The following WWC2 variants were observed in gnomAD, a reference collection of about 807,000 sequenced individuals.
WWC2 encodes the protein WW and C2 domain containing 2.
A neutral mutation model predicts 138.5 loss-of-function variants in WWC2; 101 were observed. The observed-to-expected ratio is 0.73, with a 90% confidence interval of 0.62 to 0.86. The LOEUF is 0.86. Among genes scored for constraint, WWC2 ranks in the 40% least tolerant of loss-of-function variants. The probability of loss-of-function intolerance (pLI) is 0.00; values close to 1 mark genes in which losing one functional copy is unlikely to be tolerated. For synonymous variants in WWC2, 558 were observed against 538.4 expected (o/e 1.04, Z -0.50); for missense variants, 1,420 against 1,419.4 (o/e 1.00, Z -0.01).
chr4:183,154,497 G>A (rs1244008567), intron 1 of WWC2, among the ~76,000 whole-genome samples: 6 of 152,126 alleles, frequency 3.9e-5, no homozygotes, highest in Non-Finnish European at 5.9e-5. Flanking sequence ...GAAAAGGTCA[G>A]GCACAACCTT....
intron 1 of WWC2, among the ~76,000 whole-genome samples, chr4:183,110,215 A>G (rs1247850848): frequency 6.6e-6 from 1 of 152,234 alleles, no homozygotes; most frequent in East Asian, 1.9e-4. Flanking sequence ...AAAACAGGCA[A>G]AATGAATTTT....
At position 183,282,713 on chromosome 4, in the gene WWC2, C is replaced by A. The variant is rs1264595495; in HGVS notation, c.2690C>A (p.Thr897Lys). 1.9e-6 allele frequency: 3 copies of A among 1,566,912 alleles called. No individual in the cohort carries two copies. Among genetic ancestry groups the A allele is most frequent in the Middle Eastern group, 1.7e-4 (1 of 6,008 alleles). ...EPRGPDGDWL[T>K]MLREASDEIV... ...TTGTTTTTGTTTTACCATAGGCTAACAATGCTAAGAGAGGCCTCTGATGAA... is the reference window on the plus strand; with the variant it reads ...TTGTTTTTGTTTTACCATAGGCTAAAAATGCTAAGAGAGGCCTCTGATGAA... Residue 897 changes from threonine (T) to lysine (K), a missense_variant, in exon 18 of 23, where the codon ACA becomes AAA. Thr to Lys is a moderately conservative substitution (Grantham distance 78). Coordinates refer to ENST00000403733, the MANE Select transcript of WWC2 (RefSeq NM_024949.6).
chr4:183,202,997 C>T (rs1338197396), intron 2 of WWC2, among the ~76,000 whole-genome samples: 1 of 152,018 alleles, frequency 6.6e-6, no homozygotes, highest in East Asian at 1.9e-4. Flanking sequence ...GAAATTGAAC[C>T]CTGGAAAGGT....
At chr4:183,116,065 A>G (rs1469591557) in intron 1 of WWC2, among the ~76,000 whole-genome samples, 1 of 152,180 alleles carries the variant, frequency 6.6e-6, no homozygotes, top group Admixed American at 6.5e-5. Flanking sequence ...ATGACTGGCC[A>G]GTTATCCCAG....
At chr4:183,226,087 TTTCTTTTC>T (rs1429907434) in intron 4 of WWC2, among the ~76,000 whole-genome samples, 11 of 134,354 alleles carry the variant, frequency 8.2e-5, no homozygotes, top group African/African-American at 3.5e-4. Context: ...TTTCTTTTCT[TTTCTTTTC>T]TTTTTTTTTT....
At chr4:183,113,525 T>TGCGC (rs1561420332) in intron 1 of WWC2, among the ~76,000 whole-genome samples, 1 of 135,382 alleles carries the variant, frequency 7.4e-6, no homozygotes, top group Non-Finnish European at 1.6e-5. Flanking sequence ...TGCGCGCGCG[T>TGCGC]GCGCGCGCAC....
chr4:183,158,564 A>G (rs1341737305), intron 1 of WWC2, among the ~76,000 whole-genome samples: 1 of 151,816 alleles, frequency 6.6e-6, no homozygotes, highest in African/African-American at 2.4e-5. Flanking sequence ...TTTGACCTTA[A>G]TTATGTCTTT....
rs1176380041 is a variant in WWC2 at position 183,099,718 on chromosome 4, C to T, written c.131+96C>T. The T allele has an allele frequency of 2.7e-6, 3 of 1,125,484 alleles. No homozygotes were observed. In the African/African-American group the frequency reaches 5.0e-5, roughly 19 times the overall value. 69.7% of individuals were successfully genotyped at this position (1,125,484 alleles called of 1,614,324 possible). The stretch of plus-strand genomic sequence containing the variant: ...GGGGGGCTGGGGCGGCGCCGGCCCG[C>T]GGTGCCCCGAGGGGTCCCGGGAGGG... On this transcript the variant is annotated intron_variant, in intron 1 of 22. Coordinates refer to ENST00000403733, the MANE Select transcript of WWC2 (RefSeq NM_024949.6).
rs759859249 is a variant in WWC2, at chr4:183,240,191, G to A, written c.531G>A (p.Lys177=). The part of the protein sequence containing the change: ...EISTTRLRVK[K]LKRELSQMKQ... ...TTGATTTCTCTTTAAAGGTTAAAAA[G>A]CTAAAGAGAGAGCTCTCACAGATGA... is the stretch of plus-strand genomic sequence containing the variant. Residue 177 remains lysine (K), a synonymous_variant, in exon 5 of 23, where the codon AAG becomes AAA. Coordinates refer to ENST00000403733, the MANE Select transcript of WWC2 (RefSeq NM_024949.6). 1 of 1,548,708 alleles carries A rather than the reference G, an allele frequency of 6.5e-7. No homozygotes were observed. The highest frequency in any genetic ancestry group is 1.2e-5 in the South Asian group (1 of 82,696).
Position 183,119,536 on chromosome 4 carries a change from A to C in WWC2, c.131+19914A>C, listed in dbSNP as rs559380222. ...AGAACCTGCTGGGCGCCTCATTTCA[A>C]GACGGGGTATAAAGCCCCTCCTCAT... On this transcript the variant is annotated intron_variant, in intron 1 of 22. Transcript: ENST00000403733. Among the ~76,000 whole-genome samples the C allele has an allele frequency of 3.7e-4, 56 of 152,334 alleles. No individual in the cohort carries two copies. The South Asian group carries it at 6.6e-3, about 18-fold the overall frequency.
At chr4:183,255,607 A>G (rs903806964) in intron 9 of WWC2, among the ~76,000 whole-genome samples, 3 of 152,174 alleles carry the variant, frequency 2.0e-5, no homozygotes, top group Non-Finnish European at 4.4e-5. Context: ...ACTTTGTAGT[A>G]GGTGAATCTA....
At chr4:183,126,701 A>G (rs1732767056) in intron 1 of WWC2, among the ~76,000 whole-genome samples, 2 of 152,082 alleles carry the variant, frequency 1.3e-5, no homozygotes, top group African/African-American at 4.8e-5. Flanking sequence ...AAAGTCTTCT[A>G]TGGCCTATGT....
At position 183,315,828 on chromosome 4, in the gene WWC2, G is replaced by A; in HGVS notation, c.*99G>A. 2 of 904,496 alleles carry A rather than the reference G, an allele frequency of 2.2e-6. No individual in the cohort carries two copies. Among genetic ancestry groups the A allele is most frequent in the Non-Finnish European group, 1.6e-6 (1 of 609,230 alleles). The allele number at this position is 904,496 out of a possible 1,614,324, so 56.0% of individuals were successfully genotyped here. On this transcript the variant is annotated 3_prime_UTR_variant, in exon 23 of 23. Transcript: ENST00000403733. ...TTTGTTTTGGTGTTTGGTTTTTTTTGGTAACGTAACTGTCAACTCTTGAAG... is the reference window on the plus strand; with the variant it reads ...TTTGTTTTGGTGTTTGGTTTTTTTTAGTAACGTAACTGTCAACTCTTGAAG...
At chr4:183,259,191 A>G (rs375068920) in intron 9 of WWC2, among the ~76,000 whole-genome samples, 6 of 152,156 alleles carry the variant, frequency 3.9e-5, no homozygotes, top group African/African-American at 1.4e-4. Flanking sequence ...ACTAAATACT[A>G]TGTTGGAACA....
At chr4:183,259,550 C>G (rs1037481296) in intron 9 of WWC2, 89 bp from the exon 10 acceptor site, 5 of 1,034,368 alleles carry the variant, frequency 4.8e-6, no homozygotes, top group Non-Finnish European at 7.0e-6. Context: ...CCCTTGTGAT[C>G]TGTAATGTTT....
chr4:183,174,560 T>C (rs1734401372), intron 1 of WWC2, among the ~76,000 whole-genome samples: 1 of 152,232 alleles, frequency 6.6e-6, no homozygotes, highest in Non-Finnish European at 1.5e-5. Context: ...CCCTTTCTGC[T>C]ATTTTCTAGA....
At chr4:183,171,689 A>G (rs1048586628) in intron 1 of WWC2, among the ~76,000 whole-genome samples, 1 of 152,180 alleles carries the variant, frequency 6.6e-6, no homozygotes, top group African/African-American at 2.4e-5. Context: ...GCATCCTGTG[A>G]CCCACTACTC....
intron 2 of WWC2, among the ~76,000 whole-genome samples, chr4:183,196,542 A>G (rs1438651399): frequency 6.6e-6 from 1 of 152,170 alleles, no homozygotes; most frequent in African/African-American, 2.4e-5. Context: ...GCTGGCTGCC[A>G]CATCTGTCTA....
chr4:183,262,914 T>C (rs1218428306), intron 11 of WWC2, among the ~76,000 whole-genome samples: 1 of 152,186 alleles, frequency 6.6e-6, no homozygotes, highest in Non-Finnish European at 1.5e-5. Flanking sequence ...TATGATTCCT[T>C]ATCTGCAAAA....
Sources: gnomAD v4.1 joint callset for allele counts (sites outside exome capture counted in the v4.1 genomes callset) on GRCh38, gnomAD v4.1.1 for gene constraint, MANE v1.5 for transcripts, NCBI Gene and HGNC (gene_info 2026-07-23, HGNC 2026-07-21) for gene names.